NACAD: variants seen among roughly 807,000 people sequenced by gnomAD.
NACAD encodes NAC alpha domain containing, also known as NAC-alpha domain-containing protein 1.
A neutral mutation model predicts 98.9 loss-of-function variants in NACAD; 47 were observed. The ratio of observed to expected loss-of-function variants is 0.48; its 90% confidence interval spans 0.38 to 0.61. The LOEUF (loss-of-function observed/expected upper bound fraction) is 0.61. Among genes scored for constraint, NACAD ranks in the 20% least tolerant of loss-of-function variants. NACAD has a pLI of 0.00. For missense variants in NACAD, 1,412 were observed against 1,748.2 expected (o/e 0.81, Z 3.43); for synonymous variants, 696 against 767.2 (o/e 0.91, Z 1.53).
In NACAD at chr7:45,082,974, G is replaced by A; in HGVS notation, c.3206C>T (p.Pro1069Leu). The A allele has an allele frequency of 6.4e-7, 1 of 1,550,946 alleles. No individual in the cohort carries two copies. Among genetic ancestry groups the A allele is most frequent in the Admixed American group, 2.0e-5 (1 of 51,004 alleles). ...CTCAACCTCCAGGGTCTCCTTTTGG[G>A]GTGAGTCAGGCTTAGCCCCATCACC... The part of the protein sequence containing the change: ...HTGDGAKPDS[P>L]QKETLEVENQ... The change falls in exon 2 of 8, where the codon CCC becomes CTC. Residue 1069 changes from proline to leucine, a missense_variant. Pro to Leu is a moderately conservative substitution (Grantham distance 98, BLOSUM62 -3). Coordinates refer to ENST00000490531, the MANE Select transcript of NACAD (RefSeq NM_001146334.2). This position sits in a 1 kb window ranked among gnomAD's most constrained non-coding sequence, Gnocchi z 4.5.
At chr7:45,081,079 C>A in intron 5 of NACAD, 38 bp downstream of exon 5, 1 of 1,550,948 alleles carries the variant, frequency 6.4e-7, no homozygotes, top group South Asian at 1.2e-5. Flanking sequence ...GTCCCCTATC[C>A]CTCGGATCCC....
At position 45,085,640 on chromosome 7, in the gene NACAD, G is replaced by C; in HGVS notation, c.540C>G (p.Pro180=). ...GAAGCAGGGCATAGGTGGTCTTGGTGGGGGTGGAGGGAGGCGTGAAGAAGG... is the reference window on the plus strand; with the variant it reads ...GAAGCAGGGCATAGGTGGTCTTGGTCGGGGTGGAGGGAGGCGTGAAGAAGG... ...PDSFFTPPST[P]TKTTYALLPA... The change falls in exon 2 of 8, where the codon CCC becomes CCG. Residue 180 remains proline (P), a synonymous_variant. Transcript: ENST00000490531. The surrounding 1 kb of genome is among the most constrained non-coding windows in gnomAD (Gnocchi z 6.1). 1 of 1,548,380 alleles carries C rather than the reference G, an allele frequency of 6.5e-7. No individual in the cohort carries two copies. Among genetic ancestry groups the C allele is most frequent in the Admixed American group, 2.0e-5 (1 of 50,790 alleles).
Position 45,088,733 on chromosome 7 carries a change from G to A in NACAD, c.67+95C>T, listed in dbSNP as rs371752053. 2.5e-4 allele frequency: 264 copies of A among 1,052,902 alleles called. 7 individuals are homozygous for A. In the South Asian group the frequency reaches 5.1e-3, roughly 20 times the overall value. 65.2% of individuals were successfully genotyped at this position (1,052,902 alleles called of 1,614,324 possible). On this transcript the variant is annotated intron_variant, in intron 1 of 7. Transcript: ENST00000490531. The surrounding 1 kb of genome is among the most constrained non-coding windows in gnomAD (Gnocchi z 5.7). ...GAGGGGACTCGAGGGGGGCCAGGGG[G>A]ATGGGGGAGAGGGGTGAAAGGTGAG... is the stretch of plus-strand genomic sequence containing the variant.
In NACAD at chr7:45,088,837, G is replaced by A; in HGVS notation, c.58C>T (p.Pro20Ser). 3 of 1,492,076 alleles carry A rather than the reference G, an allele frequency of 2.0e-6. No homozygotes were observed. Among genetic ancestry groups the A allele is most frequent in the Non-Finnish European group, 1.8e-6 (2 of 1,126,030 alleles). The allele number at this position is 1,492,076 out of a possible 1,614,324, so 92.4% of individuals were successfully genotyped here. The change falls in exon 1 of 8, where the codon CCC becomes TCC. Residue 20 changes from proline to serine, a missense_variant. By Grantham distance (74) the Pro-to-Ser change is moderately conservative. This residue lies in a region of NACAD where 638 missense variants were observed against 722.7 expected (regional missense o/e 0.88). Transcript: ENST00000490531. This position sits in a 1 kb window ranked among gnomAD's most constrained non-coding sequence, Gnocchi z 5.7. Reference protein sequence around the residue: ...LLLPEADRPGPRTDLSCDAAA... With the variant: ...LLLPEADRPGSRTDLSCDAAA... ...GTGGCCACGGCCTCACCTGTGCGGG[G>A]CCCGGGTCGGTCCGCCTCGGGCAGC... is the stretch of plus-strand genomic sequence containing the variant.
chr7:45,080,794 G>A (rs1784416750), intron 6 of NACAD, 32 bp from the exon 7 acceptor site: 1 of 1,550,008 alleles, frequency 6.5e-7, no homozygotes, highest in Non-Finnish European at 8.7e-7. Context: ...AGTGGCTGGA[G>A]CTGCTTGAGG....
rs1353962506 is a variant in NACAD, at chr7:45,085,167, GCCT to G, written c.1010_1012del (p.Glu337del). 9.7e-6 allele frequency: 15 copies of G among 1,550,630 alleles called. No homozygotes were observed. The Admixed American group carries it at 2.0e-4, about 20-fold the overall frequency. On this transcript the variant is annotated inframe_deletion, in exon 2 of 8. Coordinates refer to ENST00000490531, the MANE Select transcript of NACAD (RefSeq NM_001146334.2). The surrounding 1 kb of genome is among the most constrained non-coding windows in gnomAD (Gnocchi z 6.1). ...CCCACCTGGGTCGGGATCCGCCACA[GCCT>G]CCTCTTCTTCTTCCTCTGGGGATAG...
rs1402667950 is a variant in NACAD, at chr7:45,082,092, C to A, written c.4072+16G>T. On this transcript the variant is annotated intron_variant, in intron 2 of 7. Coordinates refer to ENST00000490531, the MANE Select transcript of NACAD (RefSeq NM_001146334.2). This position sits in a 1 kb window ranked among gnomAD's most constrained non-coding sequence, Gnocchi z 4.5. ...ACCCAAGCCCCAGGGCACTTCACTC[C>A]CACCCTCTGCCTTACCTTCCTCCAG... The A allele has an allele frequency of 6.8e-7, 1 of 1,464,644 alleles. No individual in the cohort carries two copies. The highest frequency in any genetic ancestry group is 1.5e-5 in the South Asian group (1 of 68,930). The allele number at this position is 1,464,644 out of a possible 1,614,324, so 90.7% of individuals were successfully genotyped here.
chr7:45,081,368 C>T (rs1784428283), intron 4 of NACAD, 105 bp from the exon 5 acceptor site: 2 of 1,455,766 alleles, frequency 1.4e-6, no homozygotes, highest in Admixed American at 4.4e-5. Flanking sequence ...GCCAACTTCC[C>T]CAAGACCTTG....
Position 45,082,106 on chromosome 7 carries a change from A to C in NACAD, c.4072+2T>G, listed in dbSNP as rs1584008997. Reference sequence around the variant, plus strand: ...GCACTTCACTCCCACCCTCTGCCTTACCTTCCTCCAGGCTGTCCTCATCCT... The same window carrying C: ...GCACTTCACTCCCACCCTCTGCCTTCCCTTCCTCCAGGCTGTCCTCATCCT... On this transcript the variant is annotated splice_donor_variant, in intron 2 of 7. Coordinates refer to ENST00000490531, the MANE Select transcript of NACAD (RefSeq NM_001146334.2). LOFTEE classifies it high-confidence loss of function. This position sits in a 1 kb window ranked among gnomAD's most constrained non-coding sequence, Gnocchi z 4.5. 6.8e-7 allele frequency: 1 copy of C among 1,468,088 alleles called. No homozygotes were observed. The allele number at this position is 1,468,088 out of a possible 1,614,324, so 90.9% of individuals were successfully genotyped here.
At position 45,081,219 on chromosome 7, in the gene NACAD, C is replaced by T. The variant is rs1489264909; in HGVS notation, c.4302G>A (p.Arg1434=). The T allele has an allele frequency of 6.4e-7, 1 of 1,551,324 alleles. No individual in the cohort carries two copies. The highest frequency in any genetic ancestry group is 1.4e-5 in the African/African-American group (1 of 73,044). The change falls in exon 5 of 8, where the codon AGG becomes AGA. Residue 1434 remains arginine, a synonymous_variant. Coordinates refer to ENST00000490531, the MANE Select transcript of NACAD (RefSeq NM_001146334.2). ...TGTTCTTGGACTTCTGGATGGTGATCCTGGTGACTCCCTGAATCTGCCGCA... is the reference window on the plus strand; with the variant it reads ...TGTTCTTGGACTTCTGGATGGTGATTCTGGTGACTCCCTGAATCTGCCGCA... The part of the protein sequence containing the change: ...LGLRQIQGVT[R]ITIQKSKNIL...
chr7:45,088,819 C>T lies in NACAD; in HGVS notation c.67+9G>A, dbSNP rs758828479. ...GCTGAAGGCAGGGAAAGAGTGGCCA[C>T]GGCCTCACCTGTGCGGGGCCCGGGT... On this transcript the variant is annotated intron_variant, in intron 1 of 7. Coordinates refer to ENST00000490531, the MANE Select transcript of NACAD (RefSeq NM_001146334.2). This position sits in a 1 kb window ranked among gnomAD's most constrained non-coding sequence, Gnocchi z 5.7. 6.7e-7 allele frequency: 1 copy of T among 1,486,696 alleles called. No individual in the cohort carries two copies. The highest frequency in any genetic ancestry group is 8.9e-7 in the Non-Finnish European group (1 of 1,122,938). 92.1% of individuals were successfully genotyped at this position (1,486,696 alleles called of 1,614,324 possible).
chr7:45,087,300 T>C (rs1035380569), intron 1 of NACAD, among the ~76,000 whole-genome samples: 2 of 152,238 alleles, frequency 1.3e-5, no homozygotes, highest in African/African-American at 4.8e-5. Flanking sequence ...TCATAAGCAT[T>C]TTCCTGTGTG....
rs1295589192 is a variant in NACAD, at chr7:45,084,571, C to G, written c.1609G>C (p.Gly537Arg). The G allele has an allele frequency of 6.4e-7, 1 of 1,552,034 alleles. No individual in the cohort carries two copies. The highest frequency in any genetic ancestry group is 8.7e-7 in the Non-Finnish European group (1 of 1,147,066). The change falls in exon 2 of 8, where the codon GGC (glycine) becomes CGC (arginine). Residue 537 changes from glycine (G) to arginine (R), a missense_variant. By Grantham distance (125) the Gly-to-Arg change is moderately radical. Transcript: ENST00000490531. Reference sequence around the variant, plus strand: ...TTTTCTGCAGTGACAGACTCTTGGCCTAAGATCTCGCTGATGCCCTCCTGG... The same window carrying G: ...TTTTCTGCAGTGACAGACTCTTGGCGTAAGATCTCGCTGATGCCCTCCTGG... The part of the protein sequence containing the change: ...PSQEGISEIL[G>R]QESVTAEKLP...
rs773114433 is a variant in NACAD, at chr7:45,080,707, T to C, written c.4607A>G (p.Asn1536Ser). ...RDIELVMAQANVSRAKAVRAL... is the reference protein window; with the variant it reads ...RDIELVMAQASVSRAKAVRAL... ...CCGCACGGCCTTGGCCCTGGACACA[T>C]TGGCCTGCGCCATCACCAGCTCAAT... The change falls in exon 7 of 8, where the codon AAT becomes AGT. Residue 1536 changes from asparagine to serine, a missense_variant. Around this residue, in one of 5 missense-constraint regions of NACAD, gnomAD observed 88 missense variants for 105.4 expected, o/e 0.84. Transcript: ENST00000490531. The C allele has an allele frequency of 3.2e-5, 49 of 1,551,024 alleles. No individual in the cohort carries two copies. Among genetic ancestry groups the C allele is most frequent in the South Asian group, 8.3e-5 (7 of 84,070 alleles).
chr7:45,088,805 G>A lies in NACAD; in HGVS notation c.67+23C>T, dbSNP rs1291327668. On this transcript the variant is annotated intron_variant, in intron 1 of 7. Transcript: ENST00000490531. This position sits in a 1 kb window ranked among gnomAD's most constrained non-coding sequence, Gnocchi z 5.7. The stretch of plus-strand genomic sequence containing the variant: ...TGGAGAGGGGAGAGGCTGAAGGCAG[G>A]GAAAGAGTGGCCACGGCCTCACCTG... 57 of 1,479,942 alleles carry A rather than the reference G, an allele frequency of 3.9e-5. No homozygotes were observed. Among genetic ancestry groups the A allele is most frequent in the Non-Finnish European group, 4.7e-5 (53 of 1,118,742 alleles). The allele number at this position is 1,479,942 out of a possible 1,614,324, so 91.7% of individuals were successfully genotyped here. A position where few individuals can be genotyped will look rare whatever the true frequency, so the allele number is the denominator to read the frequency against.
rs1298041292 is a variant in NACAD, at chr7:45,082,639, G to A, written c.3541C>T (p.Gln1181Ter). 2 of 1,513,028 alleles carry A rather than the reference G, an allele frequency of 1.3e-6. No individual in the cohort carries two copies. Among genetic ancestry groups the A allele is most frequent in the Admixed American group, 2.1e-5 (1 of 47,030 alleles). The allele number at this position is 1,513,028 out of a possible 1,614,324, so 93.7% of individuals were successfully genotyped here. A position where few individuals can be genotyped will look rare whatever the true frequency, so the allele number is the denominator to read the frequency against. Residue 1181 changes from glutamine to a stop codon, truncating the protein, a stop_gained, in exon 2 of 8, where the codon CAG becomes TAG. Coordinates refer to ENST00000490531, the MANE Select transcript of NACAD (RefSeq NM_001146334.2). LOFTEE classifies it high-confidence loss of function. The surrounding 1 kb of genome is among the most constrained non-coding windows in gnomAD (Gnocchi z 4.5). ...PAPTSAPTSQ[Q>*]PEPVLGLGSV... The stretch of plus-strand genomic sequence containing the variant: ...CCCAGACCCAGTACAGGCTCCGGCT[G>A]CTGGGAGGTTGGTGCAGACGTGGGG...
At position 45,080,702 on chromosome 7, in the gene NACAD, A is replaced by G. The variant is rs1784414824; in HGVS notation, c.4612T>C (p.Ser1538Pro). 5 of 1,551,192 alleles carry G rather than the reference A, an allele frequency of 3.2e-6. No individual in the cohort carries two copies. Among genetic ancestry groups the G allele is most frequent in the Non-Finnish European group, 4.4e-6 (5 of 1,146,964 alleles). Residue 1538 changes from serine (S) to proline (P), a missense_variant, in exon 7 of 8, where the codon TCC becomes CCC. By Grantham distance (74) the Ser-to-Pro change is moderately conservative. Around this residue, in one of 5 missense-constraint regions of NACAD, gnomAD observed 88 missense variants for 105.4 expected, o/e 0.84. Coordinates refer to ENST00000490531, the MANE Select transcript of NACAD (RefSeq NM_001146334.2). ...IELVMAQANV[S>P]RAKAVRALRD... is the part of the protein sequence containing the mutation. ...AGAGCCCGCACGGCCTTGGCCCTGG[A>G]CACATTGGCCTGCGCCATCACCAGC...
Position 45,081,273 on chromosome 7 carries a change from G to C in NACAD, c.4258-10C>G. 6.4e-7 allele frequency: 1 copy of C among 1,550,792 alleles called. No individual in the cohort carries two copies. The highest frequency in any genetic ancestry group is 8.7e-7 in the Non-Finnish European group (1 of 1,146,838). On this transcript the variant is annotated splice_polypyrimidine_tract_variant and intron_variant, in intron 4 of 7. Transcript: ENST00000490531. ...CCAGCTTTGACATTGCCTGGGAGTA[G>C]AGGGCAGAGGGGGGCTCAGACCTGG... is the stretch of plus-strand genomic sequence containing the variant.
At position 45,086,864 on chromosome 7, in the gene NACAD, G is replaced by A. The variant is rs541955480; in HGVS notation, c.68-752C>T. On this transcript the variant is annotated intron_variant, in intron 1 of 7. Coordinates refer to ENST00000490531, the MANE Select transcript of NACAD (RefSeq NM_001146334.2). ...TGGAGCCCAGCAAGAGCACAGGACA[G>A]CTTCAGAGGGCCAACAGCAGCCTCT... Among the ~76,000 whole-genome samples the A allele has an allele frequency of 1.9e-3, 288 of 152,344 alleles. 2 individuals carry two copies. The highest frequency in any genetic ancestry group is 3.0e-3 in the Non-Finnish European group (205 of 68,022).
Sources: allele counts gnomAD v4.1 joint callset (sites outside exome capture counted in the v4.1 genomes callset), GRCh38; gene constraint gnomAD v4.1.1; regional missense constraint gnomAD v4.1.1; non-coding constraint Gnocchi (gnomAD v3.1); transcripts MANE v1.5; gene names NCBI Gene and HGNC (gene_info 2026-07-23, HGNC 2026-07-21).